The following SCAPER variants were observed in gnomAD, a reference collection of about 807,000 sequenced individuals.
The protein encoded by SCAPER is S-phase cyclin A associated protein in the ER.
SCAPER carries 98 observed loss-of-function variants against 182.2 expected under a neutral mutation model. That is an observed-to-expected ratio of 0.54 (90% CI 0.46 to 0.64). The LOEUF is 0.64. SCAPER is among the 30% of genes least tolerant of loss of function. The probability of loss-of-function intolerance (pLI) is 0.00; values close to 1 mark genes in which losing one functional copy is unlikely to be tolerated. For synonymous variants in SCAPER, 605 were observed against 564.6 expected (o/e 1.07, Z -1.01); for missense variants, 1,432 against 1,690.0 (o/e 0.85, Z 2.68).
chr15:76,646,528 T>G (rs1375817748), intron 21 of SCAPER, among the ~76,000 whole-genome samples: 1 of 152,186 alleles, frequency 6.6e-6, no homozygotes, highest in African/African-American at 2.4e-5. Context: ...TGGCAATATA[T>G]TACACAAATC....
At chr15:76,748,800 C>T (rs2061943030) in intron 15 of SCAPER, among the ~76,000 whole-genome samples, 1 of 150,926 alleles carries the variant, frequency 6.6e-6, no homozygotes, top group South Asian at 2.1e-4. Context: ...TTGAGTGACA[C>T]AAATTATATA....
At position 76,497,029 on chromosome 15, in the gene SCAPER, C is replaced by T. The variant is rs79709490; in HGVS notation, c.2954+7830G>A. ...AATGAACAACCATACCTCAAGAGAG[C>T]TGGAACAATGCTAGCTCTGTGGACT... is the stretch of plus-strand genomic sequence containing the variant. On this transcript the variant is annotated intron_variant, in intron 24 of 31. Transcript: ENST00000563290. Among the ~76,000 whole-genome samples, 810 of 151,474 alleles carry T rather than the reference C, an allele frequency of 5.3e-3. 6 individuals carry two copies. The highest frequency in any genetic ancestry group is 0.019 in the African/African-American group (784 of 41,266).
At chr15:76,719,118 T>C (rs1472220684) in intron 17 of SCAPER, among the ~76,000 whole-genome samples, 2 of 152,328 alleles carry the variant, frequency 1.3e-5, no homozygotes, top group East Asian at 3.9e-4. Context: ...CCTATGGCAT[T>C]ATTCATAATA....
intron 23 of SCAPER, among the ~76,000 whole-genome samples, chr15:76,524,504 T>A (rs888919340): frequency 6.6e-6 from 1 of 152,048 alleles, no homozygotes; most frequent in African/African-American, 2.4e-5. Context: ...AATATAAATA[T>A]AAGTGAATAT....
At chr15:76,652,256 T>TAAAA (rs1160100739) in intron 21 of SCAPER, among the ~76,000 whole-genome samples, 89 of 5,638 alleles carry the variant, frequency 0.016, 19 homozygotes, top group Non-Finnish European at 0.022. Context: ...GTGTCTCTGC[T>TAAAA]AAAAAAAAAA....
intron 4 of SCAPER, among the ~76,000 whole-genome samples, chr15:76,844,138 T>C (rs992539943): frequency 6.6e-6 from 1 of 152,142 alleles, no homozygotes; most frequent in East Asian, 1.9e-4. Context: ...TGGCTTACTA[T>C]GTCTAACTGC....
At chr15:76,783,984 A>G in intron 8 of SCAPER, among the ~76,000 whole-genome samples, 1 of 152,246 alleles carries the variant, frequency 6.6e-6, no homozygotes, top group East Asian at 1.9e-4. Context: ...CAAGACAAGG[A>G]TGCTCTTTCT....
chr15:76,374,881 G>A (rs1276756624), intron 29 of SCAPER, among the ~76,000 whole-genome samples: 2 of 151,936 alleles, frequency 1.3e-5, no homozygotes, highest in Non-Finnish European at 2.9e-5. Context: ...AGAGAAATAA[G>A]GTACTTTATT....
chr15:76,510,008 T>C (rs1159955934), intron 23 of SCAPER, among the ~76,000 whole-genome samples: 1 of 152,162 alleles, frequency 6.6e-6, no homozygotes, highest in African/African-American at 2.4e-5. Context: ...GGTGCTGGGA[T>C]AATTGGCAAG....
chr15:76,636,931 T>G (rs1272625567), intron 21 of SCAPER, among the ~76,000 whole-genome samples: 1 of 152,132 alleles, frequency 6.6e-6, no homozygotes, highest in Non-Finnish European at 1.5e-5. Flanking sequence ...CCATGAGAAA[T>G]CTTTATAATT....
intron 23 of SCAPER, among the ~76,000 whole-genome samples, chr15:76,555,247 A>T (rs888136001): frequency 6.6e-5 from 10 of 152,218 alleles, no homozygotes; most frequent in Non-Finnish European, 1.3e-4. Context: ...AGTGCTAAAT[A>T]TAGAAAGGCC....
chr15:76,411,652 A>C (rs553393704), intron 26 of SCAPER, among the ~76,000 whole-genome samples: 1 of 152,330 alleles, frequency 6.6e-6, no homozygotes, highest in South Asian at 2.1e-4. Context: ...TAAGAGTAGA[A>C]TTGTTGAGTC....
chr15:76,893,585 T>C (rs1397555964), intron 1 of SCAPER, among the ~76,000 whole-genome samples: 1 of 151,894 alleles, frequency 6.6e-6, no homozygotes, highest in East Asian at 1.9e-4. Flanking sequence ...AACAGACATA[T>C]GCAGAACATT....
At chr15:76,379,552 G>GT (rs982903986) in intron 28 of SCAPER, among the ~76,000 whole-genome samples, 1 of 152,084 alleles carries the variant, frequency 6.6e-6, no homozygotes, top group African/African-American at 2.4e-5. Context: ...TATTCCTGCT[G>GT]TTTTCGGCAA....
At chr15:76,857,902 A>C (rs2071540520) in intron 3 of SCAPER, 23 bp from the exon 4 acceptor site, 2 of 1,444,860 alleles carry the variant, frequency 1.4e-6, no homozygotes, top group South Asian at 2.5e-5. Context: ...AAAAAAATAA[A>C]TATGTAGATA....
At chr15:76,708,005 A>G (rs2059348601) in intron 17 of SCAPER, among the ~76,000 whole-genome samples, 1 of 152,182 alleles carries the variant, frequency 6.6e-6, no homozygotes, top group Admixed American at 6.5e-5. Context: ...CATGAATCAA[A>G]TAAGAACTAT....
intron 20 of SCAPER, among the ~76,000 whole-genome samples, chr15:76,686,481 A>G (rs1427297425): frequency 2.0e-5 from 3 of 152,134 alleles, no homozygotes; most frequent in Non-Finnish European, 4.4e-5. Flanking sequence ...GGTGCAACCA[A>G]TTAGAAAAAC....
chr15:76,353,855 T>A, intron 30 of SCAPER, 94 bp downstream of exon 30: 1 of 1,108,304 alleles, frequency 9.0e-7, no homozygotes, highest in Non-Finnish European at 1.2e-6. Flanking sequence ...AAAGGTAGTA[T>A]GGAAGGCAAA....
chr15:76,607,666 G>C lies in SCAPER; in HGVS notation c.2711+14098C>G, dbSNP rs527280499. ...CTTTCAGGTACACCAATCAGACGCA[G>C]ATTTGGTCTTTTCACATAGTCCCAT... On this transcript the variant is annotated intron_variant, in intron 22 of 31. Transcript: ENST00000563290. Among the ~76,000 whole-genome samples the C allele has an allele frequency of 5.3e-5, 8 of 152,334 alleles. No individual in the cohort carries two copies. The South Asian group carries it at 1.7e-3, about 32-fold the overall frequency.
Sources: allele counts gnomAD v4.1 joint callset (sites outside exome capture counted in the v4.1 genomes callset), GRCh38; gene constraint gnomAD v4.1.1; transcripts MANE v1.5; gene names NCBI Gene and HGNC (gene_info 2026-07-23, HGNC 2026-07-21).